Variants in NPAS3 observed in about 807,000 individuals in gnomAD.
NPAS3 encodes the protein neuronal PAS domain-containing protein 3.
Under a neutral mutation model 73.1 loss-of-function variants are expected in NPAS3, and 14 were observed. The ratio of observed to expected loss-of-function variants is 0.19; its 90% CI spans 0.13 to 0.30. The LOEUF (loss-of-function observed/expected upper bound fraction) is 0.30, where lower values mean the gene tolerates loss of function less well. NPAS3 is among the 10% of genes least tolerant of loss of function. The probability of loss-of-function intolerance (pLI) is 1.00; values close to 1 mark genes in which losing one functional copy is unlikely to be tolerated. For missense variants in NPAS3, 1,096 were observed against 1,250.0 expected, an observed-to-expected ratio of 0.88 and a Z score of 1.86; for synonymous variants, 620 against 541.5, an observed-to-expected ratio of 1.14 and a Z score of -2.01.
At chr14:33,055,799 G>GGTGGTGTA in intron 1 of NPAS3, 106 bp from the exon 2 acceptor site, 2 of 662,242 alleles carry the variant, frequency 3.0e-6, no homozygotes, top group Admixed American at 2.3e-5. Flanking sequence ...GAGCTCAAAA[G>GGTGGTGTA]CGTAAAAAGC....
intron 5 of NPAS3, among the ~76,000 whole-genome samples, chr14:33,662,857 AATGGGGTTTTCCTTT>A (rs1486987370): frequency 4.7e-5 from 7 of 147,468 alleles, no homozygotes; most frequent in Non-Finnish European, 8.9e-5. Flanking sequence ...GGGCTGAGAC[AATGGGGTTTTCCTTT>A]TTTTTTTTTT....
intron 2 of NPAS3, among the ~76,000 whole-genome samples, chr14:33,121,832 T>TA (rs1381702108): frequency 6.6e-6 from 1 of 152,120 alleles, no homozygotes; most frequent in Admixed American, 6.5e-5. Context: ...TCAGGTGAAT[T>TA]AAAAAATGTA....
chr14:33,008,077 C>T (rs940540523), intron 1 of NPAS3, among the ~76,000 whole-genome samples: 8 of 152,122 alleles, frequency 5.3e-5, no homozygotes, highest in African/African-American at 1.9e-4. Context: ...AGGATGTATA[C>T]TTAATTAAAA....
chr14:33,447,300 A>G (rs535779861), intron 4 of NPAS3, among the ~76,000 whole-genome samples: 1 of 152,332 alleles, frequency 6.6e-6, no homozygotes, highest in African/African-American at 2.4e-5. Context: ...GCACAGAAAC[A>G]CAGAAGAGCA....
At position 33,676,403 on chromosome 14, in the gene NPAS3, A is replaced by T; in HGVS notation, c.733+18A>T. 1 of 1,543,346 alleles carries T rather than the reference A, an allele frequency of 6.5e-7. No individual in the cohort carries two copies. Among genetic ancestry groups the T allele is most frequent in the Non-Finnish European group, 8.7e-7 (1 of 1,151,404 alleles). ...CGAGCCAGGTGGGAATTGCAAACCC[A>T]GTGTGTGGGTTGGTGGGCAGGACCT... is the stretch of plus-strand genomic sequence containing the variant. On this transcript the variant is annotated intron_variant, in intron 6 of 11. Coordinates refer to ENST00000356141, the Ensembl canonical transcript of NPAS3.
intron 5 of NPAS3, among the ~76,000 whole-genome samples, chr14:33,659,211 T>C (rs758086593): frequency 3.3e-5 from 5 of 152,232 alleles, no homozygotes; most frequent in Non-Finnish European, 7.3e-5. Context: ...TTTTACACAT[T>C]GTATGCATTA....
intron 4 of NPAS3, among the ~76,000 whole-genome samples, chr14:33,392,998 C>T (rs1024385700): frequency 2.6e-5 from 4 of 152,108 alleles, no homozygotes; most frequent in Non-Finnish European, 5.9e-5. Context: ...ATAAAATTTA[C>T]CCCCATGACC....
chr14:33,165,209 C>T (rs771760218), intron 2 of NPAS3, among the ~76,000 whole-genome samples: 1 of 151,880 alleles, frequency 6.6e-6, no homozygotes, highest in Non-Finnish European at 1.5e-5. Flanking sequence ...GGGTTGACTC[C>T]CTGGTGGGAT....
At chr14:33,619,957 T>G (rs2140090015) in intron 5 of NPAS3, among the ~76,000 whole-genome samples, 1 of 152,348 alleles carries the variant, frequency 6.6e-6, no homozygotes, top group Middle Eastern at 3.4e-3. Flanking sequence ...GACTTTTCTC[T>G]GTCAATGGAT....
intron 4 of NPAS3, among the ~76,000 whole-genome samples, chr14:33,429,423 C>A (rs1318243119): frequency 6.6e-6 from 1 of 152,098 alleles, no homozygotes; most frequent in Non-Finnish European, 1.5e-5. Context: ...CCAAGCCCAA[C>A]GACCTAGTTT....
At chr14:33,750,072 C>G (rs1340158083) in intron 7 of NPAS3, among the ~76,000 whole-genome samples, 1 of 152,108 alleles carries the variant, frequency 6.6e-6, no homozygotes, top group Non-Finnish European at 1.5e-5. Flanking sequence ...TCATAGGCAC[C>G]TGCTCTTGAT....
Position 33,550,520 on chromosome 14 carries a change from C to T in NPAS3, c.469-9601C>T, listed in dbSNP as rs139765807. 7.9e-3 allele frequency among the ~76,000 whole-genome samples: 1,205 copies of T among 152,316 alleles called. 9 individuals carry two copies. Among genetic ancestry groups the T allele is most frequent in the Non-Finnish European group, 0.012 (793 of 68,034 alleles). ...TTCTCATGTGTTACATAGTCTGGCA[C>T]ATGGGGATAAAAGCAGAAGCATTTC... On this transcript the variant is annotated intron_variant, in intron 4 of 11. Coordinates refer to ENST00000356141, the Ensembl canonical transcript of NPAS3.
intron 4 of NPAS3, among the ~76,000 whole-genome samples, chr14:33,510,032 C>T (rs1393947352): frequency 2.0e-5 from 3 of 152,058 alleles, no homozygotes; most frequent in Middle Eastern, 3.4e-3. Flanking sequence ...CAGCACGCCC[C>T]GGGATAATAA....
At chr14:33,444,748 G>A (rs1427879035) in intron 4 of NPAS3, among the ~76,000 whole-genome samples, 2 of 152,220 alleles carry the variant, frequency 1.3e-5, no homozygotes, top group Non-Finnish European at 2.9e-5. Context: ...AGAGATCTAA[G>A]GAAATGCTAT....
At chr14:33,586,603 G>C (rs1162418184) in intron 5 of NPAS3, among the ~76,000 whole-genome samples, 1 of 151,754 alleles carries the variant, frequency 6.6e-6, no homozygotes, top group Non-Finnish European at 1.5e-5. Context: ...GTAGAACATA[G>C]AAAGAATCCT....
In NPAS3 at chr14:33,344,044, C is replaced by T. The variant is rs2044616483; in HGVS notation, c.386-23142C>T. On this transcript the variant is annotated intron_variant, in intron 3 of 11. Transcript: ENST00000356141. ...TACGTGTTGTGACGCAGAACTGGGT[C>T]ATATTCCCATACTTAGAGTGATACA... 2.0e-5 allele frequency among the ~76,000 whole-genome samples: 3 copies of T among 152,276 alleles called. No individual in the cohort carries two copies. In the South Asian group the frequency reaches 6.2e-4, roughly 32 times the overall value.
At chr14:33,451,648 T>G (rs2049796709) in intron 4 of NPAS3, among the ~76,000 whole-genome samples, 1 of 152,170 alleles carries the variant, frequency 6.6e-6, no homozygotes, top group African/African-American at 2.4e-5. Flanking sequence ...TTCATTGTTA[T>G]GGTTTCTTTA....
At chr14:33,034,359 G>A (rs746445694) in intron 1 of NPAS3, among the ~76,000 whole-genome samples, 4 of 151,532 alleles carry the variant, frequency 2.6e-5, no homozygotes, top group Non-Finnish European at 4.4e-5. Flanking sequence ...ATTACAATGT[G>A]ATAAATATTA....
chr14:33,063,009 A>C (rs187394650), intron 2 of NPAS3, among the ~76,000 whole-genome samples: 12 of 152,324 alleles, frequency 7.9e-5, no homozygotes, highest in African/African-American at 2.6e-4. Context: ...AGTAATGTTT[A>C]GTCATTGCTA....
Sources: allele counts gnomAD v4.1 joint callset (sites outside exome capture counted in the v4.1 genomes callset), GRCh38; gene constraint gnomAD v4.1.1; transcripts MANE v1.5; gene names NCBI Gene and HGNC (gene_info 2026-07-23, HGNC 2026-07-21).